DOCK3: variants seen among roughly 807,000 people sequenced by gnomAD.
The protein encoded by DOCK3 is dedicator of cytokinesis protein 3.
In DOCK3, 60 loss-of-function variants were observed where a neutral mutation model predicts 265.6. That is an observed-to-expected ratio of 0.23 (90% CI 0.18 to 0.28). The LOEUF (loss-of-function observed/expected upper bound fraction) is 0.28. DOCK3 is among the 10% of genes least tolerant of loss of function. The probability of loss-of-function intolerance (pLI) is 1.00; values close to 1 mark genes in which losing one functional copy is unlikely to be tolerated. For synonymous variants in DOCK3, 881 were observed against 938.0 expected, an observed-to-expected ratio of 0.94 and a Z score of 1.11; for missense variants, 1,981 against 2,594.3, an observed-to-expected ratio of 0.76 and a Z score of 5.14.
At chr3:50,850,843 T>C (rs904454357) in intron 3 of DOCK3, among the ~76,000 whole-genome samples, 7 of 152,230 alleles carry the variant, frequency 4.6e-5, no homozygotes, top group Non-Finnish European at 7.3e-5. Flanking sequence ...ATGGCACTTA[T>C]AGGTAAGAGC....
chr3:51,201,341 A>C (rs560685335), intron 12 of DOCK3, among the ~76,000 whole-genome samples: 454 of 152,000 alleles, frequency 3.0e-3, no homozygotes, highest in African/African-American at 0.01. Context: ...TCTACCAAGC[A>C]AATGGAAAAC....
At chr3:51,303,387 C>T (rs557242355) in intron 27 of DOCK3, among the ~76,000 whole-genome samples, 23 of 152,248 alleles carry the variant, frequency 1.5e-4, no homozygotes, top group East Asian at 5.8e-4. Context: ...TTTGTTATTA[C>T]GCACCTTCTG....
intron 5 of DOCK3, among the ~76,000 whole-genome samples, chr3:50,966,890 C>A (rs2077049715): frequency 1.3e-5 from 2 of 151,916 alleles, no homozygotes; most frequent in Non-Finnish European, 2.9e-5. Context: ...ATTTATAATG[C>A]CATTTTTTTT....
chr3:51,091,317 A>ATG (rs1406864479), intron 9 of DOCK3, among the ~76,000 whole-genome samples: 1 of 152,094 alleles, frequency 6.6e-6, no homozygotes, highest in Non-Finnish European at 1.5e-5. Context: ...GAGAGTGTGT[A>ATG]TGTGTGTGTA....
intron 44 of DOCK3, among the ~76,000 whole-genome samples, chr3:51,357,417 T>C (rs1258440953): frequency 2.6e-5 from 4 of 152,162 alleles, no homozygotes; most frequent in African/African-American, 9.7e-5. Flanking sequence ...AAGAGGAGCC[T>C]TGGAGCCCAG....
chr3:51,378,158 T>C (rs895835412), intron 51 of DOCK3, among the ~76,000 whole-genome samples: 2 of 152,164 alleles, frequency 1.3e-5, no homozygotes, highest in Non-Finnish European at 2.9e-5. Context: ...AACAGCTAAG[T>C]GTCTTGCCTG....
At position 51,194,423 on chromosome 3, in the gene DOCK3, G is replaced by A. The variant is rs558190031; in HGVS notation, c.1038-14351G>A. Among the ~76,000 whole-genome samples the A allele has an allele frequency of 1.8e-4, 27 of 152,288 alleles. No homozygotes were observed. In the East Asian group the frequency reaches 2.7e-3, roughly 15 times the overall value. ...CTGAAATGTCAGTTAGCTCCATTGG[G>A]TCTAAAGTGCAACTTAAAGCCAATG... On this transcript the variant is annotated intron_variant, in intron 12 of 52. Coordinates refer to ENST00000266037, the MANE Select transcript of DOCK3 (RefSeq NM_004947.5).
At chr3:51,292,613 A>G (rs2081847901) in intron 27 of DOCK3, among the ~76,000 whole-genome samples, 1 of 152,180 alleles carries the variant, frequency 6.6e-6, no homozygotes. Flanking sequence ...CTCTACAAAA[A>G]TAAAGAAGTT....
intron 5 of DOCK3, among the ~76,000 whole-genome samples, chr3:50,941,836 C>T (rs899928463): frequency 5.9e-5 from 9 of 152,032 alleles, no homozygotes; most frequent in Non-Finnish European, 8.8e-5. Flanking sequence ...ATTTATATGA[C>T]ATTCTCATAG....
At chr3:50,698,051 G>C (rs1171807809) in intron 1 of DOCK3, among the ~76,000 whole-genome samples, 1 of 152,012 alleles carries the variant, frequency 6.6e-6, no homozygotes, top group African/African-American at 2.4e-5. Flanking sequence ...ATATAGTTAA[G>C]TCTTTAAAGT....
chr3:51,341,047 C>T (rs1267025360), intron 37 of DOCK3, among the ~76,000 whole-genome samples, 190 bp from the exon 38 acceptor site: 1 of 152,212 alleles, frequency 6.6e-6, no homozygotes, highest in East Asian at 1.9e-4. Flanking sequence ...TTGGCTCCTT[C>T]ATGCTGTGGA....
chr3:51,310,406 C>G (rs974657094), intron 28 of DOCK3, 80 bp downstream of exon 28: 25 of 1,290,766 alleles, frequency 1.9e-5, no homozygotes, highest in Non-Finnish European at 2.5e-5. Context: ...AGAGAGGGAG[C>G]ACATGAGCAA....
chr3:51,146,209 A>G (rs1460311255), intron 9 of DOCK3, among the ~76,000 whole-genome samples: 2 of 152,194 alleles, frequency 1.3e-5, no homozygotes, highest in Admixed American at 1.3e-4. Context: ...TATGCTTGTT[A>G]TGGATTTCGC....
chr3:51,143,008 T>C (rs1298492141), intron 9 of DOCK3, among the ~76,000 whole-genome samples: 1 of 152,040 alleles, frequency 6.6e-6, no homozygotes, highest in African/African-American at 2.4e-5. Flanking sequence ...TGCCTCAGCC[T>C]CCCGAGCAGC....
At chr3:51,168,444 T>C (rs1186985680) in intron 12 of DOCK3, among the ~76,000 whole-genome samples, 7 of 152,130 alleles carry the variant, frequency 4.6e-5, no homozygotes, top group Non-Finnish European at 1.0e-4. Flanking sequence ...GCAGCATGCC[T>C]ACAACAATCT....
intron 1 of DOCK3, among the ~76,000 whole-genome samples, chr3:50,756,435 C>T (rs138152763): frequency 6.7e-4 from 102 of 152,174 alleles, no homozygotes; most frequent in African/African-American, 2.4e-3. Context: ...GCTTGTCTGT[C>T]TACCTACTCT....
intron 1 of DOCK3, among the ~76,000 whole-genome samples, chr3:50,738,812 T>C (rs1457030329): frequency 6.6e-6 from 1 of 152,190 alleles, no homozygotes; most frequent in Admixed American, 6.5e-5. Context: ...ATGTCTACTG[T>C]ACCTAATGAG....
chr3:50,729,662 G>A (rs1361436115), intron 1 of DOCK3, among the ~76,000 whole-genome samples: 1 of 151,622 alleles, frequency 6.6e-6, no homozygotes, highest in Non-Finnish European at 1.5e-5. Context: ...CTCCCCAGTA[G>A]CTAGGACACA....
intron 5 of DOCK3, among the ~76,000 whole-genome samples, chr3:51,061,645 T>C (rs781169534): frequency 6.6e-6 from 1 of 151,860 alleles, no homozygotes; most frequent in Non-Finnish European, 1.5e-5. Flanking sequence ...CACACCAACA[T>C]GGCAGATGTA....
Sources: gnomAD v4.1 joint callset for allele counts (sites outside exome capture counted in the v4.1 genomes callset) on GRCh38, gnomAD v4.1.1 for gene constraint, MANE v1.5 for transcripts, NCBI Gene and HGNC (gene_info 2026-07-23, HGNC 2026-07-21) for gene names.